The following BLNK variants were observed in gnomAD, a reference collection of about 807,000 sequenced individuals.
BLNK encodes the protein B-cell linker protein.
A neutral mutation model predicts 73.5 loss-of-function variants in BLNK; 29 were observed. The ratio of observed to expected loss-of-function variants is 0.39; its 90% confidence interval spans 0.29 to 0.54. The LOEUF (loss-of-function observed/expected upper bound fraction) is 0.54. Ranked by LOEUF, BLNK falls within the 20% of genes least tolerant of loss-of-function variation. BLNK has a pLI of 0.61. For missense variants in BLNK, 460 were observed against 562.8 expected (o/e 0.82, Z 1.85); for synonymous variants, 176 against 200.8 (o/e 0.88, Z 1.04).
intron 1 of BLNK, among the ~76,000 whole-genome samples, chr10:96,247,999 C>T (rs781807304): frequency 1.3e-5 from 2 of 152,172 alleles, no homozygotes; most frequent in Non-Finnish European, 2.9e-5. Flanking sequence ...TCTTCTGTTA[C>T]TTTGTGCATT....
At position 96,199,850 on chromosome 10, in the gene BLNK, C is replaced by T. The variant is rs901551201; in HGVS notation, c.1095+225G>A. ...AGCAGCCTGGCCAACATGGTAAAACCCCGTCTCTACTAAAAATACAAAAAT... is the reference window on the plus strand; with the variant it reads ...AGCAGCCTGGCCAACATGGTAAAACTCCGTCTCTACTAAAAATACAAAAAT... On this transcript the variant is annotated intron_variant, in intron 15 of 16. Coordinates refer to ENST00000224337, the MANE Select transcript of BLNK (RefSeq NM_013314.4). 4 of 256,782 alleles carry T rather than the reference C, an allele frequency of 1.6e-5. No individual in the cohort carries two copies. In the East Asian group the frequency reaches 3.5e-4, roughly 22 times the overall value. The allele number at this position is 256,782 out of a possible 1,614,324, so 15.9% of individuals were successfully genotyped here.
At chr10:96,197,101 T>C (rs782160429) in intron 15 of BLNK, 38 bp from the exon 16 acceptor site, 50 of 1,522,344 alleles carry the variant, frequency 3.3e-5, no homozygotes, top group African/African-American at 4.2e-5. Flanking sequence ...TTATGGTTAG[T>C]ATTACTTATA....
At chr10:96,234,267 A>G (rs1842617326) in intron 3 of BLNK, among the ~76,000 whole-genome samples, 1 of 152,230 alleles carries the variant, frequency 6.6e-6, no homozygotes, top group South Asian at 2.1e-4. Context: ...ACAGTATGGG[A>G]TAGAGGTTGT....
intron 16 of BLNK, 98 bp downstream of exon 16, chr10:96,196,810 T>G: frequency 1.6e-6 from 2 of 1,223,494 alleles, no homozygotes. Context: ...CAAGTACTTT[T>G]GTATCCTTTC....
At position 96,197,035 on chromosome 10, in the gene BLNK, G is replaced by C; in HGVS notation, c.1124C>G (p.Ser375Cys). The change falls in exon 16 of 17, where the codon TCT (serine) becomes TGT (cysteine). Residue 375 changes from serine to cysteine, a missense_variant. Transcript: ENST00000224337. ...KDGSFLIRKS[S>C]GHDSKQPYTL... ...ATATGGTTGTTTGGAATCATGGCCA[G>C]AGCTTTTCCGAATAAGAAATGATCC... is the stretch of plus-strand genomic sequence containing the variant. 1 of 1,612,846 alleles carries C rather than the reference G, an allele frequency of 6.2e-7. No homozygotes were observed. Among genetic ancestry groups the C allele is most frequent in the Non-Finnish European group, 8.5e-7 (1 of 1,179,414 alleles).
chr10:96,192,083 T>G lies in BLNK; in HGVS notation c.1261A>C (p.Ser421Arg). ...TGATTCCTGATGATTTCAGCAACACTTCCAAAGTACTAGAGGAAGAAAACA... is the reference window on the plus strand; with the variant it reads ...TGATTCCTGATGATTTCAGCAACACGTCCAAAGTACTAGAGGAAGAAAACA... ...RKKNGEEYFG[S>R]VAEIIRNHQH... Residue 421 changes from serine to arginine, a missense_variant, in exon 17 of 17, where the codon AGT becomes CGT. Around this residue, in one of 3 missense-constraint regions of BLNK, gnomAD observed 88 missense variants for 143.4 expected, o/e 0.61. Transcript: ENST00000224337. 1.9e-6 allele frequency: 3 copies of G among 1,613,732 alleles called. No homozygotes were observed. The highest frequency in any genetic ancestry group is 2.5e-6 in the Non-Finnish European group (3 of 1,179,766).
chr10:96,271,186 T>C (rs782698522), intron 1 of BLNK, among the ~76,000 whole-genome samples, 166 bp downstream of exon 1: 2 of 152,202 alleles, frequency 1.3e-5, no homozygotes, highest in Non-Finnish European at 2.9e-5. Context: ...CTATAGCAAG[T>C]GCCACCCAAT....
intron 1 of BLNK, among the ~76,000 whole-genome samples, chr10:96,259,420 C>T (rs1348034020): frequency 1.3e-5 from 2 of 152,042 alleles, no homozygotes; most frequent in African/African-American, 2.4e-5. Flanking sequence ...GGAGGGAATG[C>T]GGTAGCGGCC....
At position 96,200,955 on chromosome 10, in the gene BLNK, T is replaced by G; in HGVS notation, c.1011+27A>C. The G allele has an allele frequency of 6.3e-7, 1 of 1,598,654 alleles. No homozygotes were observed. Among genetic ancestry groups the G allele is most frequent in the African/African-American group, 1.3e-5 (1 of 74,692 alleles). ...TTCCTGCAGTTTCCTGGTAACAATT[T>G]AGTGACATCAAGAGTTCATTTCATA... is the stretch of plus-strand genomic sequence containing the variant. On this transcript the variant is annotated intron_variant, in intron 14 of 16. Transcript: ENST00000224337. The surrounding 1 kb of genome is among the most constrained non-coding windows in gnomAD (Gnocchi z 4.3).
chr10:96,220,411 C>T (rs1306996907), intron 6 of BLNK, among the ~76,000 whole-genome samples: 4 of 152,196 alleles, frequency 2.6e-5, no homozygotes, highest in African/African-American at 9.7e-5. Context: ...AGACTCGATC[C>T]AGTCTCAACA....
intron 5 of BLNK, 101 bp downstream of exon 5, chr10:96,227,309 C>T (rs1292615762): frequency 6.7e-7 from 1 of 1,501,624 alleles, no homozygotes; most frequent in African/African-American, 1.4e-5. Flanking sequence ...GGCAGAGGCC[C>T]TCAAGCAGCA....
intron 11 of BLNK, among the ~76,000 whole-genome samples, chr10:96,206,330 C>T (rs1372603724): frequency 2.6e-5 from 4 of 152,022 alleles, no homozygotes; most frequent in African/African-American, 9.7e-5. Flanking sequence ...ATAGATGATT[C>T]TTCTATTTTT....
chr10:96,214,057 G>A (rs1284185952), intron 8 of BLNK, among the ~76,000 whole-genome samples: 1 of 152,234 alleles, frequency 6.6e-6, no homozygotes, highest in Non-Finnish European at 1.5e-5. Context: ...TTTCTGTGAA[G>A]GAGCCTGTCT....
chr10:96,229,981 T>G (rs587757885), intron 4 of BLNK, among the ~76,000 whole-genome samples: 1 of 152,304 alleles, frequency 6.6e-6, no homozygotes, highest in South Asian at 2.1e-4. Flanking sequence ...TCTCTTGGCC[T>G]CAGTTTTCTT....
At position 96,207,888 on chromosome 10, in the gene BLNK, G is replaced by A. The variant is rs782667010; in HGVS notation, c.758C>T (p.Thr253Met). 2.2e-5 allele frequency: 35 copies of A among 1,613,952 alleles called. No individual in the cohort carries two copies. Among genetic ancestry groups the A allele is most frequent in the East Asian group, 1.6e-4 (7 of 44,898 alleles). The change falls in exon 10 of 17, where the codon ACG becomes ATG. Residue 253 changes from threonine to methionine, a missense_variant. Around this residue, in one of 3 missense-constraint regions of BLNK, gnomAD observed 233 missense variants for 232.1 expected, o/e 1.00. Transcript: ENST00000224337. ...SPLPRAGKKP[T>M]TPLKTTPVAS... is the part of the protein sequence containing the mutation. ...TTAACTTACTGTCTTCAGTGGTGTC[G>A]TTGGTTTTTTCCTGGGGAATAAAAA...
At chr10:96,254,011 ACT>A (rs551399884) in intron 1 of BLNK, among the ~76,000 whole-genome samples, 3 of 151,260 alleles carry the variant, frequency 2.0e-5, no homozygotes, top group Non-Finnish European at 4.4e-5. Flanking sequence ...ACAGAGCAAG[ACT>A]CTGTCTCAAA....
chr10:96,246,624 C>G (rs73318809), intron 2 of BLNK, among the ~76,000 whole-genome samples: 9,523 of 152,270 alleles, frequency 0.063, 436 homozygotes, highest in African/African-American at 0.12. Flanking sequence ...CTTGAAGAAG[C>G]TAGGGCTGTG....
At chr10:96,236,024 CA>C (rs1842676659) in intron 3 of BLNK, among the ~76,000 whole-genome samples, 1 of 151,972 alleles carries the variant, frequency 6.6e-6, no homozygotes, top group Non-Finnish European at 1.5e-5. Flanking sequence ...TGATCCAGAC[CA>C]GGGGGTCTGG....
intron 1 of BLNK, among the ~76,000 whole-genome samples, chr10:96,258,050 G>A (rs781941701): frequency 3.9e-5 from 6 of 151,922 alleles, no homozygotes. Flanking sequence ...GGACTCCTAT[G>A]ACAACTTCTC....
Sources: allele counts gnomAD v4.1 joint callset (sites outside exome capture counted in the v4.1 genomes callset), GRCh38; gene constraint gnomAD v4.1.1; regional missense constraint gnomAD v4.1.1; non-coding constraint Gnocchi (gnomAD v3.1); transcripts MANE v1.5; gene names NCBI Gene and HGNC (gene_info 2026-07-23, HGNC 2026-07-21).